The following PIAS1 variants were observed in gnomAD, a reference collection of about 807,000 sequenced individuals.
PIAS1 encodes protein inhibitor of activated STAT 1, also known as E3 SUMO-protein ligase PIAS1.
In PIAS1, 6 loss-of-function variants were observed where a neutral mutation model predicts 71.3. The ratio of observed to expected loss-of-function variants is 0.08; its 90% confidence interval spans 0.05 to 0.17. The LOEUF (loss-of-function observed/expected upper bound fraction) is 0.17. Among genes scored for constraint, PIAS1 ranks in the 10% least tolerant of loss-of-function variants. The pLI is 1.00. For missense variants in PIAS1, 555 were observed against 793.6 expected (o/e 0.70, Z 3.61); for synonymous variants, 303 against 292.9 (o/e 1.03, Z -0.35).
chr15:68,087,193 T>G (rs1057322274), intron 2 of PIAS1, among the ~76,000 whole-genome samples: 1 of 152,172 alleles, frequency 6.6e-6, no homozygotes, highest in Non-Finnish European at 1.5e-5. Flanking sequence ...ACTTGAGCTT[T>G]GATGTATGCT....
chr15:68,166,324 T>C (rs999860673), intron 8 of PIAS1, among the ~76,000 whole-genome samples: 1 of 151,976 alleles, frequency 6.6e-6, no homozygotes, highest in Non-Finnish European at 1.5e-5. Flanking sequence ...GTGTGGGTTT[T>C]TGTGTGTGTG....
chr15:68,066,735 C>T (rs989556467), intron 1 of PIAS1, among the ~76,000 whole-genome samples: 11 of 151,962 alleles, frequency 7.2e-5, no homozygotes, highest in African/African-American at 2.4e-4. Flanking sequence ...ATTTTTGTCC[C>T]AGAAGTTATT....
intron 2 of PIAS1, among the ~76,000 whole-genome samples, chr15:68,140,710 A>C (rs189913034): frequency 1.3e-5 from 2 of 152,248 alleles, no homozygotes; most frequent in South Asian, 2.1e-4. Flanking sequence ...GTTTGGTTGG[A>C]AGTTGTAAAG....
intron 2 of PIAS1, among the ~76,000 whole-genome samples, chr15:68,107,701 G>A (rs2092484055): frequency 6.6e-6 from 1 of 151,996 alleles, no homozygotes; most frequent in East Asian, 1.9e-4. Flanking sequence ...CTAATAATGT[G>A]TGATGAAAGA....
At chr15:68,071,414 A>G (rs981234190) in intron 1 of PIAS1, among the ~76,000 whole-genome samples, 82 of 149,514 alleles carry the variant, frequency 5.5e-4, no homozygotes, top group Admixed American at 1.1e-3. Flanking sequence ...ACGGGGTTTC[A>G]CCATGTTGGC....
Position 68,121,263 on chromosome 15 carries a change from G to GT in PIAS1, c.470-20671dup, listed in dbSNP as rs71455578. 7.7e-3 allele frequency among the ~76,000 whole-genome samples: 1,075 copies of GT among 139,594 alleles called. 9 individuals are homozygous for GT. Among genetic ancestry groups the GT allele is most frequent in the African/African-American group, 0.024 (903 of 37,736 alleles). 91.6% of individuals were successfully genotyped at this position (139,594 alleles called of 152,430 possible). On this transcript the variant is annotated intron_variant, in intron 2 of 13. Coordinates refer to ENST00000249636, the MANE Select transcript of PIAS1 (RefSeq NM_016166.3). ...GTGTTAACAGTTGACATGTTTTTTT[G>GT]TTTTTTTTTTTTCTTTTGGCACTTC...
chr15:68,147,734 A>G (rs758510686), intron 6 of PIAS1, among the ~76,000 whole-genome samples: 11 of 152,164 alleles, frequency 7.2e-5, no homozygotes, highest in Non-Finnish European at 1.2e-4. Context: ...CATATTAAAT[A>G]TATGTGTGAT....
chr15:68,088,176 G>GTGTGTGTATATATATATATATA (rs150997979), intron 2 of PIAS1, among the ~76,000 whole-genome samples: 7 of 73,006 alleles, frequency 9.6e-5, no homozygotes, highest in African/African-American at 4.3e-4. Context: ...TTATGTGTGT[G>GTGTGTGTATATATATATATATA]TATATATATA....
intron 7 of PIAS1, chr15:68,153,972 C>T: frequency 4.4e-6 from 1 of 225,182 alleles, no homozygotes; most frequent in Non-Finnish European, 8.8e-6. Context: ...ATGGGAAGGG[C>T]ATCTTGGCAT....
rs1391021139 is a variant in PIAS1, at chr15:68,192,316, A to C, written c.*4481A>C. 3.3e-5 allele frequency: 5 copies of C among 152,150 alleles called. No individual in the cohort carries two copies. The highest frequency in any genetic ancestry group is 6.5e-5 in the Admixed American group (1 of 15,272). The allele number at this position is 152,150 out of a possible 1,614,324, so 9.4% of individuals were successfully genotyped here. ...TTTACCATGAAGGTAATGAAGTTTAAGCACCAGGACCCTTCACTTGTTCTG... is the reference window on the plus strand; with the variant it reads ...TTTACCATGAAGGTAATGAAGTTTACGCACCAGGACCCTTCACTTGTTCTG... On this transcript the variant is annotated 3_prime_UTR_variant, in exon 14 of 14. Transcript: ENST00000249636.
At position 68,087,653 on chromosome 15, in the gene PIAS1, C is replaced by T. The variant is rs2092295415; in HGVS notation, c.469+903C>T. Among the ~76,000 whole-genome samples the T allele has an allele frequency of 2.0e-5, 3 of 152,220 alleles. No homozygotes were observed. The South Asian group carries it at 6.2e-4, about 32-fold the overall frequency. ...AATGTGTAACGGAGACCATGTGTGC[C>T]TGTAAAGCACAAAATATTTACCCGT... On this transcript the variant is annotated intron_variant, in intron 2 of 13. Transcript: ENST00000249636.
chr15:68,174,135 T>G lies in PIAS1; in HGVS notation c.1169+243T>G, dbSNP rs2093007808. ...TGTCAGTGCCTCCTGGCATTTGTCGTTGAAAGCACTGGTGCTTTTAAGCAG... is the reference window on the plus strand; with the variant it reads ...TGTCAGTGCCTCCTGGCATTTGTCGGTGAAAGCACTGGTGCTTTTAAGCAG... On this transcript the variant is annotated intron_variant, in intron 9 of 13. Coordinates refer to ENST00000249636, the MANE Select transcript of PIAS1 (RefSeq NM_016166.3). The surrounding 1 kb of genome is among the most constrained non-coding windows in gnomAD (Gnocchi z 4.0). 6.6e-6 allele frequency among the ~76,000 whole-genome samples: 1 copy of G among 152,254 alleles called. No individual in the cohort carries two copies. Among genetic ancestry groups the G allele is most frequent in the Admixed American group, 6.5e-5 (1 of 15,280 alleles).
At chr15:68,111,950 C>G (rs975881343) in intron 2 of PIAS1, among the ~76,000 whole-genome samples, 1 of 152,090 alleles carries the variant, frequency 6.6e-6, no homozygotes, top group Non-Finnish European at 1.5e-5. Flanking sequence ...TCTTAGGTGA[C>G]TTTTGTATCT....
intron 6 of PIAS1, among the ~76,000 whole-genome samples, chr15:68,150,142 T>C (rs1337378180): frequency 1.3e-5 from 2 of 152,160 alleles, no homozygotes; most frequent in Non-Finnish European, 2.9e-5. Flanking sequence ...TTATTTCTAG[T>C]GTACCTTGGA....
At chr15:68,106,680 C>T (rs2092473149) in intron 2 of PIAS1, among the ~76,000 whole-genome samples, 1 of 151,898 alleles carries the variant, frequency 6.6e-6, no homozygotes, top group South Asian at 2.1e-4. Context: ...CTTCTTATAC[C>T]CCACAAAATC....
chr15:68,119,237 C>CA (rs60879036), intron 2 of PIAS1, among the ~76,000 whole-genome samples: 2,117 of 27,364 alleles, frequency 0.077, 748 homozygotes, highest in African/African-American at 0.14. Context: ...CCATCTCTAC[C>CA]AAAAAAAAAA....
In PIAS1 at chr15:68,054,509, C is replaced by T; in HGVS notation, c.24+159C>T. On this transcript the variant is annotated intron_variant, in intron 1 of 13. Transcript: ENST00000249636. This position sits in a 1 kb window ranked among gnomAD's most constrained non-coding sequence, Gnocchi z 4.6. ...GCGCGCCCGGTCTCAGCAGAGGGGG[C>T]CCGCCTGCGGCGGGCCGCGGGCCCC... 1.5e-6 allele frequency: 1 copy of T among 658,588 alleles called. No individual in the cohort carries two copies. Among genetic ancestry groups the T allele is most frequent in the Non-Finnish European group, 2.4e-6 (1 of 417,294 alleles). 40.8% of individuals were successfully genotyped at this position (658,588 alleles called of 1,614,324 possible). A position where few individuals can be genotyped will look rare whatever the true frequency, so the allele number is the denominator to read the frequency against.
chr15:68,140,969 G>C (rs2092766080), intron 2 of PIAS1, among the ~76,000 whole-genome samples: 1 of 151,906 alleles, frequency 6.6e-6, no homozygotes, highest in African/African-American at 2.4e-5. Context: ...GTGCTTCTTT[G>C]TGCCAAGCAC....
At chr15:68,126,153 T>C (rs1567053460) in intron 2 of PIAS1, among the ~76,000 whole-genome samples, 1 of 152,224 alleles carries the variant, frequency 6.6e-6, no homozygotes, top group Non-Finnish European at 1.5e-5. Context: ...AAACTTGTTC[T>C]TTACTTGTAG....
Sources: gnomAD v4.1 joint callset for allele counts (sites outside exome capture counted in the v4.1 genomes callset) on GRCh38, gnomAD v4.1.1 for gene constraint, Gnocchi (gnomAD v3.1) non-coding constraint, MANE v1.5 for transcripts, NCBI Gene and HGNC (gene_info 2026-07-23, HGNC 2026-07-21) for gene names.